The following CRADD variants were observed in gnomAD, a reference collection of about 807,000 sequenced individuals.
CRADD encodes the protein death domain-containing protein CRADD.
CRADD carries 9 observed loss-of-function variants against 15.5 expected under a neutral mutation model. That is an observed-to-expected ratio of 0.58 (90% CI 0.35 to 1.01). CRADD has a LOEUF of 1.01. CRADD is among the 50% of genes least tolerant of loss of function. The pLI, the probability that CRADD is intolerant of heterozygous loss-of-function variation, is 0.02. For missense variants in CRADD, 227 were observed against 250.3 expected (o/e 0.91, Z 0.63); for synonymous variants, 118 against 107.6 (o/e 1.10, Z -0.60).
At chr12:93,720,679 T>C (rs1320108405) in intron 2 of CRADD, among the ~76,000 whole-genome samples, 2 of 152,248 alleles carry the variant, frequency 1.3e-5, no homozygotes, top group Non-Finnish European at 2.9e-5. Flanking sequence ...TCTCTATCTC[T>C]GATAACCTTT....
intron 2 of CRADD, among the ~76,000 whole-genome samples, chr12:93,755,007 C>T (rs576337608): frequency 6.6e-6 from 1 of 151,190 alleles, no homozygotes; most frequent in East Asian, 1.9e-4. Context: ...TTCCACATGG[C>T]TGGGGAGGCC....
At chr12:93,858,353 G>A (rs140104981) in intron 2 of CRADD, among the ~76,000 whole-genome samples, 1 of 152,336 alleles carries the variant, frequency 6.6e-6, no homozygotes, top group East Asian at 1.9e-4. Flanking sequence ...ACGAAGGACG[G>A]AGGTGGGTCT....
chr12:93,844,977 AAAAAAACAAAAAAC>A (rs999422507), intron 2 of CRADD, among the ~76,000 whole-genome samples: 3 of 152,122 alleles, frequency 2.0e-5, no homozygotes. Context: ...GGTAAAAGTT[AAAAAAACAAAAAAC>A]AAAAAACAAA....
intron 2 of CRADD, among the ~76,000 whole-genome samples, chr12:93,892,089 G>C (rs955161730): frequency 6.6e-6 from 1 of 152,164 alleles, no homozygotes; most frequent in Non-Finnish European, 1.5e-5. Context: ...AGAGAGGTGG[G>C]AGATATACGT....
intron 2 of CRADD, among the ~76,000 whole-genome samples, chr12:93,741,663 G>A (rs1956669096): frequency 6.6e-6 from 1 of 152,136 alleles, no homozygotes; most frequent in Non-Finnish European, 1.5e-5. Context: ...AAATTATATG[G>A]TCTGATTAAT....
intron 2 of CRADD, among the ~76,000 whole-genome samples, chr12:93,725,496 C>G (rs1956345469): frequency 6.7e-6 from 1 of 148,998 alleles, no homozygotes; most frequent in Non-Finnish European, 1.5e-5. Context: ...CCACCCAATC[C>G]TGCCCTACTC....
chr12:93,831,366 T>C (rs1175329553), intron 2 of CRADD: 1 of 152,238 alleles, frequency 6.6e-6, no homozygotes, highest in East Asian at 1.9e-4. Flanking sequence ...AGCAAGACCA[T>C]GTCTCTGAAG....
At chr12:93,880,138 T>C (rs1276568809) in intron 2 of CRADD, among the ~76,000 whole-genome samples, 1 of 152,166 alleles carries the variant, frequency 6.6e-6, no homozygotes, top group African/African-American at 2.4e-5. Flanking sequence ...CCTGCTACCA[T>C]CCAGAAATTC....
chr12:93,766,395 A>C (rs1957027328), intron 2 of CRADD, among the ~76,000 whole-genome samples: 1 of 152,216 alleles, frequency 6.6e-6, no homozygotes, highest in South Asian at 2.1e-4. Flanking sequence ...ATAATGGAAT[A>C]CTTAAAGTAA....
chr12:93,888,973 G>A (rs1262825360), intron 2 of CRADD, among the ~76,000 whole-genome samples: 1 of 152,154 alleles, frequency 6.6e-6, no homozygotes, highest in East Asian at 1.9e-4. Context: ...AAATGCTGCT[G>A]GAGGAGTGGT....
At chr12:93,714,161 T>A (rs1363738239) in intron 2 of CRADD, among the ~76,000 whole-genome samples, 4 of 152,228 alleles carry the variant, frequency 2.6e-5, no homozygotes, top group Non-Finnish European at 5.9e-5. Context: ...CTTCTAGAGA[T>A]AATGAATTCC....
intron 2 of CRADD, among the ~76,000 whole-genome samples, chr12:93,755,902 G>C (rs978326054): frequency 1.3e-5 from 2 of 152,168 alleles, no homozygotes; most frequent in African/African-American, 4.8e-5. Flanking sequence ...TGGAAAATTT[G>C]CTGCTTTTTA....
At chr12:93,700,294 G>T (rs578031726) in intron 2 of CRADD, among the ~76,000 whole-genome samples, 9 of 152,166 alleles carry the variant, frequency 5.9e-5, no homozygotes, top group Non-Finnish European at 1.2e-4. Context: ...TGGTTTGCCT[G>T]TACAGAGAAG....
At chr12:93,768,888 T>C (rs924368695) in intron 2 of CRADD, among the ~76,000 whole-genome samples, 2 of 152,186 alleles carry the variant, frequency 1.3e-5, no homozygotes, top group Non-Finnish European at 2.9e-5. Context: ...ATAATGTTTG[T>C]TTTGGAACTT....
intron 2 of CRADD, among the ~76,000 whole-genome samples, chr12:93,681,892 T>C (rs1235453085): frequency 6.6e-6 from 1 of 152,176 alleles, no homozygotes; most frequent in African/African-American, 2.4e-5. Context: ...TGTATATATG[T>C]ATATAGAGAG....
At chr12:93,855,857 C>T (rs919914271) in intron 2 of CRADD, among the ~76,000 whole-genome samples, 1 of 152,046 alleles carries the variant, frequency 6.6e-6, no homozygotes, top group African/African-American at 2.4e-5. Context: ...CTTGCTCTGT[C>T]GCCAGGCTGG....
At chr12:93,792,271 G>T (rs1957357544) in intron 2 of CRADD, among the ~76,000 whole-genome samples, 2 of 152,172 alleles carry the variant, frequency 1.3e-5, no homozygotes. Context: ...CAAGGAGTTA[G>T]AAGGTAGAAG....
intron 2 of CRADD, among the ~76,000 whole-genome samples, chr12:93,784,408 G>A (rs1957250215): frequency 6.6e-6 from 1 of 152,058 alleles, no homozygotes; most frequent in African/African-American, 2.4e-5. Flanking sequence ...GGTTAAGTGA[G>A]TTGCCCAAGG....
chr12:93,847,404 T>G (rs2137047500), intron 2 of CRADD, among the ~76,000 whole-genome samples: 1 of 147,538 alleles, frequency 6.8e-6, no homozygotes, highest in South Asian at 2.1e-4. Context: ...AAAATTGTTC[T>G]CTAAATATTA....
Sources: allele counts gnomAD v4.1 joint callset (sites outside exome capture counted in the v4.1 genomes callset), GRCh38; gene constraint gnomAD v4.1.1; transcripts MANE v1.5; gene names NCBI Gene and HGNC (gene_info 2026-07-23, HGNC 2026-07-21).